KDM3B: variants seen among roughly 807,000 people sequenced by gnomAD.
KDM3B encodes lysine demethylase 3B.
A neutral mutation model predicts 170.0 loss-of-function variants in KDM3B; 10 were observed. The ratio of observed to expected loss-of-function variants is 0.06; its 90% CI spans 0.04 to 0.10. The LOEUF is 0.10. Ranked by LOEUF, KDM3B falls within the 10% of genes least tolerant of loss-of-function variation. The pLI is 1.00. For synonymous variants in KDM3B, 831 were observed against 834.8 expected (o/e 1.00, Z 0.08); for missense variants, 1,394 against 2,195.2 (o/e 0.64, Z 7.29).
intron 1 of KDM3B, among the ~76,000 whole-genome samples, chr5:138,358,306 CT>C (rs71306181): frequency 3.0e-4 from 32 of 108,264 alleles, no homozygotes; most frequent in African/African-American, 2.9e-4. Context: ...TTCTTTCTTT[CT>C]TTTTTTTTTT....
chr5:138,410,098 G>GAA (rs1762923789), intron 11 of KDM3B, among the ~76,000 whole-genome samples: 1 of 151,666 alleles, frequency 6.6e-6, no homozygotes, highest in Admixed American at 6.6e-5. Flanking sequence ...AAGAAAAAAA[G>GAA]AAAAGAAAAG....
chr5:138,420,586 G>T (rs536837385), intron 14 of KDM3B, 120 bp from the exon 15 acceptor site: 7 of 1,074,656 alleles, frequency 6.5e-6, no homozygotes, highest in East Asian at 2.4e-5. Flanking sequence ...ACACAGTTTG[G>T]GGGGTGCAAG....
chr5:138,385,961 G>A (rs1440745754), intron 6 of KDM3B, 61 bp from the exon 7 acceptor site: 1 of 1,530,388 alleles, frequency 6.5e-7, no homozygotes, highest in African/African-American at 1.4e-5. Flanking sequence ...AAGAGCTAAT[G>A]GTGTGTGGTA....
At chr5:138,424,436 T>G in intron 16 of KDM3B, 95 bp downstream of exon 16, 1 of 1,408,180 alleles carries the variant, frequency 7.1e-7, no homozygotes, top group Non-Finnish European at 9.7e-7. Context: ...CAGGGAGATT[T>G]AGACATAGTG....
Position 138,391,136 on chromosome 5 carries a change from C to A in KDM3B, c.1504C>A (p.Pro502Thr), listed in dbSNP as rs774664995. 3.1e-6 allele frequency: 5 copies of A among 1,614,156 alleles called. No individual in the cohort carries two copies. The highest frequency in any genetic ancestry group is 1.1e-5 in the South Asian group (1 of 91,084). The change falls in exon 8 of 24, where the codon CCT becomes ACT. Residue 502 changes from proline to threonine, a missense_variant. Coordinates refer to ENST00000314358, the MANE Select transcript of KDM3B (RefSeq NM_016604.4). The surrounding 1 kb of genome is among the most constrained non-coding windows in gnomAD (Gnocchi z 5.0). ...TGGTGTTCTAGCCACAGAGAACAAA[C>A]CTTTGGGCTTCTCTTTTGGCTGTAG... is the stretch of plus-strand genomic sequence containing the variant. The part of the protein sequence containing the change: ...SNGVLATENK[P>T]LGFSFGCSSA...
intron 17 of KDM3B, 71 bp downstream of exon 17, chr5:138,425,653 C>T: frequency 7.8e-7 from 1 of 1,289,862 alleles, no homozygotes. Flanking sequence ...CAGCTCTGCC[C>T]TTGAATAATA....
chr5:138,410,989 T>C lies in KDM3B; in HGVS notation c.3200-4143T>C, dbSNP rs1014646581. 1.5e-3 allele frequency among the ~76,000 whole-genome samples: 224 copies of C among 152,172 alleles called. 6 individuals are homozygous for C. The highest frequency in any genetic ancestry group is 9.2e-4 in the Admixed American group (14 of 15,278). ...AGCATCACAGGGAGACGGTTAGGCC[T>C]CCGGATAACTGCGGGCAAGCCTGAC... On this transcript the variant is annotated intron_variant, in intron 11 of 23. Coordinates refer to ENST00000314358, the MANE Select transcript of KDM3B (RefSeq NM_016604.4).
intron 8 of KDM3B, 91 bp from the exon 9 acceptor site, chr5:138,393,080 G>A: frequency 8.2e-7 from 1 of 1,219,264 alleles, no homozygotes; most frequent in Non-Finnish European, 1.2e-6. Context: ...AGCAACCCAG[G>A]TCAGAACAAA....
intron 14 of KDM3B, 101 bp from the exon 15 acceptor site, chr5:138,420,605 G>A: frequency 1.5e-6 from 2 of 1,316,362 alleles, no homozygotes; most frequent in South Asian, 1.3e-5. Flanking sequence ...AGGGAAAGGA[G>A]AGAATCTTTC....
In KDM3B at chr5:138,391,053, C is replaced by G; in HGVS notation, c.1421C>G (p.Ala474Gly). 1.3e-6 allele frequency: 2 copies of G among 1,587,360 alleles called. No homozygotes were observed. The highest frequency in any genetic ancestry group is 1.7e-6 in the Non-Finnish European group (2 of 1,167,084). ...NSILASSGFG[A>G]PLPSSSQPLT... is the part of the protein sequence containing the mutation. ...ATTCTGGCCTCTTCTGGATTTGGAG[C>G]ACCTCTCCCTAGTTCATCGCAACCT... Residue 474 changes from alanine to glycine, a missense_variant, in exon 8 of 24, where the codon GCA becomes GGA. By Grantham distance (60) the Ala-to-Gly change is moderately conservative. Around this residue, in one of 19 missense-constraint regions of KDM3B, gnomAD observed 205 missense variants for 227.6 expected, o/e 0.90. Coordinates refer to ENST00000314358, the MANE Select transcript of KDM3B (RefSeq NM_016604.4). This position sits in a 1 kb window ranked among gnomAD's most constrained non-coding sequence, Gnocchi z 5.0.
chr5:138,414,658 A>G (rs1478786423), intron 11 of KDM3B, among the ~76,000 whole-genome samples: 1 of 152,194 alleles, frequency 6.6e-6, no homozygotes, highest in Admixed American at 6.5e-5. Flanking sequence ...TTTATTCTTT[A>G]TAAATTATAC....
At position 138,420,910 on chromosome 5, in the gene KDM3B, C is replaced by T; in HGVS notation, c.3920C>T (p.Thr1307Ile). The change falls in exon 15 of 24, where the codon ACC becomes ATC. Residue 1307 changes from threonine to isoleucine, a missense_variant. Around this residue, in one of 19 missense-constraint regions of KDM3B, gnomAD observed 137 missense variants for 166.9 expected, o/e 0.82. Transcript: ENST00000314358. Reference sequence around the variant, plus strand: ...TCCGGGCCGGGAAAACTTCCTCAAACCCCCTTGGACACAGGCATACCCTTT... The same window carrying T: ...TCCGGGCCGGGAAAACTTCCTCAAATCCCCTTGGACACAGGCATACCCTTT... ...LHSGPGKLPQ[T>I]PLDTGIPFPP... is the part of the protein sequence containing the mutation. 6.2e-7 allele frequency: 1 copy of T among 1,614,134 alleles called. No homozygotes were observed. The highest frequency in any genetic ancestry group is 8.5e-7 in the Non-Finnish European group (1 of 1,179,998).
At chr5:138,374,359 A>G in intron 2 of KDM3B, 1 of 414,042 alleles carries the variant, frequency 2.4e-6, no homozygotes, top group Non-Finnish European at 4.9e-6. Context: ...CCCAGGTTCA[A>G]GCAATTCTCC....
intron 8 of KDM3B, 116 bp from the exon 9 acceptor site, chr5:138,393,055 A>C (rs1762472749): frequency 1.2e-6 from 1 of 861,934 alleles, no homozygotes; most frequent in African/African-American, 1.7e-5. Flanking sequence ...TACATGCCCA[A>C]GCAGGGAAAG....
Position 138,391,950 on chromosome 5 carries a change from C to T in KDM3B, c.2318C>T (p.Ser773Leu), listed in dbSNP as rs780501311. Reference sequence around the variant, plus strand: ...TTTAGTAACGTCTTTGGCAGGCACTCAGGCGGCTTTCTGTCCTCCCCGGCA... The same window carrying T: ...TTTAGTAACGTCTTTGGCAGGCACTTAGGCGGCTTTCTGTCCTCCCCGGCA... ...KTFSNVFGRH[S>L]GGFLSSPADF... The change falls in exon 8 of 24, where the codon TCA becomes TTA. Residue 773 changes from serine to leucine, a missense_variant. Around this residue, in one of 19 missense-constraint regions of KDM3B, gnomAD observed 84 missense variants for 135.8 expected, o/e 0.62. Transcript: ENST00000314358. The surrounding 1 kb of genome is among the most constrained non-coding windows in gnomAD (Gnocchi z 5.0). The T allele has an allele frequency of 1.2e-6, 2 of 1,612,660 alleles. No individual in the cohort carries two copies. The highest frequency in any genetic ancestry group is 1.7e-6 in the Non-Finnish European group (2 of 1,178,712).
chr5:138,392,051 A>C lies in KDM3B; in HGVS notation c.2419A>C (p.Arg807=). Residue 807 remains arginine, a synonymous_variant, in exon 8 of 24, where the codon AGA becomes CGA. Coordinates refer to ENST00000314358, the MANE Select transcript of KDM3B (RefSeq NM_016604.4). ...ACTGGATGAACGAAGCTTGGCTTGC[A>C]GACAAGACTCGGACTCCAGCACCAA... ...FSLDERSLAC[R]QDSDSSTNSD... 2 of 1,614,048 alleles carry C rather than the reference A, an allele frequency of 1.2e-6. No homozygotes were observed. The highest frequency in any genetic ancestry group is 1.3e-5 in the African/African-American group (1 of 75,072).
intron 5 of KDM3B, among the ~76,000 whole-genome samples, chr5:138,380,060 T>C (rs1338238343): frequency 6.6e-6 from 1 of 152,144 alleles, no homozygotes; most frequent in Non-Finnish European, 1.5e-5. Context: ...CGATCACAGC[T>C]CACTGCAACA....
intron 11 of KDM3B, among the ~76,000 whole-genome samples, chr5:138,407,423 C>T (rs1762851352): frequency 6.6e-6 from 1 of 152,012 alleles, no homozygotes; most frequent in African/African-American, 2.4e-5. Flanking sequence ...TTGGAAGCCC[C>T]CTCTCTCTCA....
At chr5:138,392,376 A>G in intron 8 of KDM3B, 115 bp downstream of exon 8, 2 of 1,131,278 alleles carry the variant, frequency 1.8e-6, no homozygotes, top group Non-Finnish European at 2.3e-6. Context: ...ATCTCATAGA[A>G]TTACAGAGCC....
Sources: allele counts gnomAD v4.1 joint callset (sites outside exome capture counted in the v4.1 genomes callset), GRCh38; gene constraint gnomAD v4.1.1; regional missense constraint gnomAD v4.1.1; non-coding constraint Gnocchi (gnomAD v3.1); transcripts MANE v1.5; gene names NCBI Gene and HGNC (gene_info 2026-07-23, HGNC 2026-07-21).